Variants in ADGRG3 observed in about 807,000 individuals in gnomAD.
The protein encoded by ADGRG3 is G protein-coupled receptor 97.
ADGRG3 carries 39 observed loss-of-function variants against 54.3 expected under a neutral mutation model. The ratio of observed to expected loss-of-function variants is 0.72; its 90% CI spans 0.56 to 0.94. ADGRG3 has a LOEUF of 0.94. ADGRG3 is among the 40% of genes least tolerant of loss of function. ADGRG3 has a pLI of 0.00. For synonymous variants in ADGRG3, 312 were observed against 290.0 expected (o/e 1.08, Z -0.77); for missense variants, 654 against 694.6 (o/e 0.94, Z 0.66).
intron 11 of ADGRG3, among the ~76,000 whole-genome samples, chr16:57,688,103 CTT>C (rs1677262428): frequency 6.6e-6 from 1 of 152,124 alleles, no homozygotes; most frequent in African/African-American, 2.4e-5. Context: ...CTATTTTGCT[CTT>C]TCTTTTCTGT....
chr16:57,673,601 A>G, intron 2 of ADGRG3, 133 bp downstream of exon 2: 2 of 790,204 alleles, frequency 2.5e-6, no homozygotes, highest in South Asian at 1.8e-5. Flanking sequence ...CTTGTTTGAC[A>G]CCACAGTCCC....
rs754770436 is a variant in ADGRG3, at chr16:57,684,482, CTG to C, written c.1256+2_1256+3del. 13 of 1,611,436 alleles carry C rather than the reference CTG, an allele frequency of 8.1e-6. No homozygotes were observed. The highest frequency in any genetic ancestry group is 3.3e-5 in the South Asian group (3 of 91,034). The stretch of plus-strand genomic sequence containing the variant: ...TAGGGAGAACCGCACCTCTCTGGAG[CTG>C]TGAGTGGCGGCTGTGGGAGCAGGGG... On this transcript the variant is annotated splice_donor_variant and coding_sequence_variant, in exon 10 of 12. Transcript: ENST00000333493. LOFTEE classifies it high-confidence loss of function.
chr16:57,674,995 CAAAAAAA>C (rs34536208), intron 2 of ADGRG3, among the ~76,000 whole-genome samples: 1,525 of 48,930 alleles, frequency 0.031, 47 homozygotes, highest in African/African-American at 0.1. Flanking sequence ...GACTCCATCT[CAAAAAAA>C]AAAAAAAAAA....
At chr16:57,680,767 A>G in intron 8 of ADGRG3, 150 bp downstream of exon 8, 1 of 632,048 alleles carries the variant, frequency 1.6e-6, no homozygotes, top group Non-Finnish European at 2.9e-6. Context: ...TGGGGGTTGA[A>G]ATGTGTCAGA....
chr16:57,680,286 C>T lies in ADGRG3; in HGVS notation c.689C>T (p.Ser230Phe), dbSNP rs768676588. ...CCAGGGACCACTGGAGACTGGTCTT[C>T]TGAGGGCTGCTCCACGGAGGTCAGA... Reference protein sequence around the residue: ...VTKGTTGDWSSEGCSTEVRPE... With the variant: ...VTKGTTGDWSFEGCSTEVRPE... The change falls in exon 7 of 12, where the codon TCT becomes TTT. Residue 230 changes from serine (S) to phenylalanine (F), a missense_variant. Transcript: ENST00000333493. The T allele has an allele frequency of 3.1e-6, 5 of 1,606,730 alleles. No individual in the cohort carries two copies. In the Admixed American group the frequency reaches 5.0e-5, roughly 16 times the overall value.
intron 8 of ADGRG3, 63 bp downstream of exon 8, chr16:57,680,680 G>A: frequency 8.7e-7 from 1 of 1,147,362 alleles, no homozygotes; most frequent in Non-Finnish European, 1.3e-6. Flanking sequence ...AGCAGGGCAG[G>A]GTGGGAAGCA....
chr16:57,682,227 G>A (rs2048386661), intron 8 of ADGRG3, among the ~76,000 whole-genome samples: 1 of 152,240 alleles, frequency 6.6e-6, no homozygotes, highest in East Asian at 1.9e-4. Flanking sequence ...GGGACCCACA[G>A]GATCTGCCAG....
At chr16:57,687,721 T>C (rs1597784769) in intron 11 of ADGRG3, among the ~76,000 whole-genome samples, 1 of 152,304 alleles carries the variant, frequency 6.6e-6, no homozygotes, top group East Asian at 1.9e-4. Flanking sequence ...GGTTGATGGT[T>C]GGGGAGAAAT....
At position 57,684,071 on chromosome 16, in the gene ADGRG3, C is replaced by CG. The variant is rs764828465; in HGVS notation, c.1027dup (p.Ala343GlyfsTer17). 1.2e-5 allele frequency: 19 copies of CG among 1,613,866 alleles called. No homozygotes were observed. The highest frequency in any genetic ancestry group is 1.5e-5 in the Non-Finnish European group (18 of 1,179,966). On this transcript the variant is annotated frameshift_variant, in exon 9 of 12. Transcript: ENST00000333493. LOFTEE classifies it high-confidence loss of function. ...GGGGTCTGATGCTGCCTGCTGGGCC[C>CG]GGGGGGCTGTCTTCCACTACTTCCT...
intron 8 of ADGRG3, among the ~76,000 whole-genome samples, chr16:57,681,377 C>T (rs9941251): frequency 0.089 from 10,393 of 116,612 alleles, 928 homozygotes; most frequent in African/African-American, 0.28. Context: ...TGTGTGTGTG[C>T]GCGCGTGCGT....
At position 57,680,516 on chromosome 16, in the gene ADGRG3, G is replaced by A; in HGVS notation, c.780G>A (p.Leu260=). Reference sequence around the variant, plus strand: ...GGGGTCACCCACAGAGACCCACCTTGGACCAGTCCACGGTGCATATCCTCA... The same window carrying A: ...GGGGTCACCCACAGAGACCCACCTTAGACCAGTCCACGGTGCATATCCTCA... The part of the protein sequence containing the change: ...TFFALLLRPT[L]DQSTVHILTR... The change falls in exon 8 of 12, where the codon TTG becomes TTA. Residue 260 remains leucine (L), a synonymous_variant. Transcript: ENST00000333493. 2 of 1,613,644 alleles carry A rather than the reference G, an allele frequency of 1.2e-6. No individual in the cohort carries two copies. The highest frequency in any genetic ancestry group is 1.7e-6 in the Non-Finnish European group (2 of 1,179,752).
At chr16:57,668,701 T>C (rs1329378395) in intron 1 of ADGRG3, among the ~76,000 whole-genome samples, 1 of 152,180 alleles carries the variant, frequency 6.6e-6, no homozygotes, top group Non-Finnish European at 1.5e-5. Context: ...CAACCTGGGC[T>C]GTGTCTCCCT....
Position 57,684,379 on chromosome 16 carries a change from C to T in ADGRG3, c.1163-11C>T. 1.2e-6 allele frequency: 2 copies of T among 1,611,532 alleles called. No homozygotes were observed. The highest frequency in any genetic ancestry group is 1.7e-6 in the Non-Finnish European group (2 of 1,178,020). The stretch of plus-strand genomic sequence containing the variant: ...CCCCAGTGGTGTCATGCCATTTCCC[C>T]TTGTGCCCAGGCCTGCCCGCCCTGA... On this transcript the variant is annotated splice_polypyrimidine_tract_variant and intron_variant, in intron 9 of 11. Coordinates refer to ENST00000333493, the MANE Select transcript of ADGRG3 (RefSeq NM_170776.5).
chr16:57,673,021 G>A (rs1226508526), intron 1 of ADGRG3, among the ~76,000 whole-genome samples: 1 of 152,218 alleles, frequency 6.6e-6, no homozygotes, highest in African/African-American at 2.4e-5. Flanking sequence ...GGAGGAAGGG[G>A]TAAAGGAGTA....
chr16:57,666,797 G>T (rs1174844235), upstream of ADGRG3, among the ~76,000 whole-genome samples: 3 of 152,174 alleles, frequency 2.0e-5, no homozygotes, highest in Admixed American at 6.5e-5. Flanking sequence ...TCCCAGGTGG[G>T]CTGGCTGCTC....
chr16:57,670,392 G>A (rs1024013620), intron 1 of ADGRG3, among the ~76,000 whole-genome samples: 3 of 152,136 alleles, frequency 2.0e-5, no homozygotes, highest in Admixed American at 2.0e-4. Flanking sequence ...TGGCAATCCG[G>A]GAGGGAGGCC....
At chr16:57,672,578 G>A (rs1471385711) in intron 1 of ADGRG3, among the ~76,000 whole-genome samples, 2 of 152,132 alleles carry the variant, frequency 1.3e-5, no homozygotes, top group Non-Finnish European at 2.9e-5. Context: ...AAAAGATTGA[G>A]CCTCAGGTTG....
chr16:57,679,555 C>T (rs1350098208), intron 5 of ADGRG3, among the ~76,000 whole-genome samples: 1 of 152,148 alleles, frequency 6.6e-6, no homozygotes, highest in African/African-American at 2.4e-5. Context: ...CACCCATGCT[C>T]CCCTGACACG....
chr16:57,672,752 C>T (rs185547166), intron 1 of ADGRG3, among the ~76,000 whole-genome samples: 9 of 152,292 alleles, frequency 5.9e-5, no homozygotes, highest in East Asian at 1.9e-4. Flanking sequence ...TCATTTTGCT[C>T]GAGGGGCCTT....
Sources: gnomAD v4.1 joint callset for allele counts (sites outside exome capture counted in the v4.1 genomes callset) on GRCh38, gnomAD v4.1.1 for gene constraint, MANE v1.5 for transcripts, NCBI Gene and HGNC (gene_info 2026-07-23, HGNC 2026-07-21) for gene names.